Variants in PLAT observed in about 807,000 individuals in gnomAD.
PLAT encodes plasminogen activator, tissue type, also known as tissue-type plasminogen activator.
Under a neutral mutation model 74.9 loss-of-function variants are expected in PLAT, and 48 were observed. That is an observed-to-expected ratio of 0.64 (90% CI 0.51 to 0.82). The LOEUF (loss-of-function observed/expected upper bound fraction) is 0.82, where lower values mean the gene tolerates loss of function less well. PLAT is among the 40% of genes least tolerant of loss of function. The pLI, the probability that PLAT is intolerant of heterozygous loss-of-function variation, is 0.00. For missense variants in PLAT, 673 were observed against 736.2 expected (o/e 0.91, Z 0.99); for synonymous variants, 307 against 294.4 (o/e 1.04, Z -0.44).
At chr8:42,185,630 G>T (rs1241715878) in intron 6 of PLAT, 1 of 153,126 alleles carries the variant, frequency 6.5e-6, no homozygotes, top group African/African-American at 2.4e-5. Context: ...TTTTGTTCCT[G>T]TGTTTACTTG....
rs149928794 is a variant in PLAT at position 42,197,511 on chromosome 8, G to A, written c.-26-4300C>T. Among the ~76,000 whole-genome samples, 131 of 152,336 alleles carry A rather than the reference G, an allele frequency of 8.6e-4. 2 individuals carry two copies. Among genetic ancestry groups the A allele is most frequent in the African/African-American group, 3.0e-3 (123 of 41,570 alleles). The stretch of plus-strand genomic sequence containing the variant: ...TTTCCCAGAGCCAAGGATGCATGCC[G>A]TTTTGGCTGAGAAATTGATGATCAT... On this transcript the variant is annotated intron_variant, in intron 1 of 13. Transcript: ENST00000220809.
At chr8:42,205,060 C>A (rs1806280409) in intron 1 of PLAT, among the ~76,000 whole-genome samples, 1 of 152,148 alleles carries the variant, frequency 6.6e-6, no homozygotes, top group African/African-American at 2.4e-5. Flanking sequence ...ACAATTTACC[C>A]ACAAGGAAAC....
chr8:42,188,644 G>A (rs533608679), intron 4 of PLAT, among the ~76,000 whole-genome samples: 2 of 152,202 alleles, frequency 1.3e-5, no homozygotes, highest in Admixed American at 1.3e-4. Context: ...GTTTTGTTTT[G>A]TTTTAGAGGT....
intron 10 of PLAT, 43 bp from the exon 11 acceptor site, chr8:42,180,421 T>G (rs1392170722): frequency 1.7e-5 from 27 of 1,613,908 alleles, no homozygotes; most frequent in Non-Finnish European, 2.1e-5. Context: ...TGCTGTGGGA[T>G]TTCCCCTAAA....
intron 1 of PLAT, among the ~76,000 whole-genome samples, chr8:42,204,402 A>G (rs1292369071): frequency 1.3e-5 from 2 of 152,210 alleles, no homozygotes; most frequent in African/African-American, 4.8e-5. Flanking sequence ...AGAGAAAGTA[A>G]AAAATTTATT....
chr8:42,207,314 A>G (rs1429832132), intron 1 of PLAT, among the ~76,000 whole-genome samples, 180 bp downstream of exon 1: 1 of 152,138 alleles, frequency 6.6e-6, no homozygotes, highest in Non-Finnish European at 1.5e-5. Flanking sequence ...GCCTATCCCA[A>G]TCACATGCAA....
chr8:42,176,445 T>A (rs1021224523), intron 13 of PLAT, among the ~76,000 whole-genome samples: 20 of 152,164 alleles, frequency 1.3e-4, no homozygotes, highest in Non-Finnish European at 1.9e-4. Context: ...TGAGTGTGGG[T>A]GTTAGTGGCT....
chr8:42,186,067 A>G (rs755918785), intron 6 of PLAT: 3 of 151,904 alleles, frequency 2.0e-5, no homozygotes, highest in Admixed American at 6.6e-5. Flanking sequence ...CAGGACCCCA[A>G]CGTCATGAGC....
In PLAT at chr8:42,178,888, C is replaced by T. The variant is rs1454760724; in HGVS notation, c.1530+9G>A. The T allele has an allele frequency of 6.2e-7, 1 of 1,612,324 alleles. No homozygotes were observed. Among genetic ancestry groups the T allele is most frequent in the Non-Finnish European group, 8.5e-7 (1 of 1,179,648 alleles). On this transcript the variant is annotated intron_variant, in intron 13 of 13. Transcript: ENST00000220809. ...TTGTGCCCAGCATGGGCGCGCCACT[C>T]CTGGTTACCTGGCAGGCGTCGTGCA...
chr8:42,200,586 A>G (rs1806089857), intron 1 of PLAT, among the ~76,000 whole-genome samples: 1 of 148,292 alleles, frequency 6.7e-6, no homozygotes, highest in Non-Finnish European at 1.5e-5. Context: ...CTGAGGTGGG[A>G]GGATGGCCTG....
intron 3 of PLAT, among the ~76,000 whole-genome samples, chr8:42,189,564 G>A (rs1474921289): frequency 6.6e-6 from 1 of 151,266 alleles, no homozygotes; most frequent in African/African-American, 2.4e-5. Flanking sequence ...GTGCCATTGA[G>A]TATCTTCTCA....
intron 7 of PLAT, among the ~76,000 whole-genome samples, chr8:42,183,869 G>A (rs903022087): frequency 8.6e-5 from 13 of 151,898 alleles, no homozygotes; most frequent in African/African-American, 2.9e-4. Context: ...CATATAGCTG[G>A]TGCGTGTTTA....
In PLAT at chr8:42,180,387, G is replaced by C. The variant is rs779703103; in HGVS notation, c.1086-9C>G. On this transcript the variant is annotated splice_polypyrimidine_tract_variant and intron_variant, in intron 10 of 13. Transcript: ENST00000220809. Reference sequence around the variant, plus strand: ...GGTGGTGGGGCGGAAACCTGGTGGAGAAACAGCCTTAGAATGCTTTTTTTG... The same window carrying C: ...GGTGGTGGGGCGGAAACCTGGTGGACAAACAGCCTTAGAATGCTTTTTTTG... 6.2e-7 allele frequency: 1 copy of C among 1,614,142 alleles called. No individual in the cohort carries two copies. The highest frequency in any genetic ancestry group is 2.2e-5 in the East Asian group (1 of 44,886).
chr8:42,187,724 A>G (rs762894917), intron 5 of PLAT, 152 bp from the exon 6 acceptor site: 25 of 816,020 alleles, frequency 3.1e-5, no homozygotes, highest in Non-Finnish European at 4.2e-5. Flanking sequence ...GCCTGGATTC[A>G]GGGTCACACC....
At chr8:42,188,836 A>G (rs1016323170) in intron 4 of PLAT, 98 bp downstream of exon 4, 1 of 996,038 alleles carries the variant, frequency 1.0e-6, no homozygotes, top group South Asian at 1.4e-5. Flanking sequence ...GTTTGCCCAG[A>G]TTGGTCTTGA....
At chr8:42,188,853 G>A (rs1326268887) in intron 4 of PLAT, 81 bp downstream of exon 4, 20 of 1,258,250 alleles carry the variant, frequency 1.6e-5, no homozygotes, top group East Asian at 1.2e-4. Context: ...TTGAACTCCC[G>A]GGCTCCAGCG....
At chr8:42,176,751 T>C (rs1306980868) in intron 13 of PLAT, among the ~76,000 whole-genome samples, 1 of 152,208 alleles carries the variant, frequency 6.6e-6, no homozygotes, top group Non-Finnish European at 1.5e-5. Flanking sequence ...ATTTATTCCC[T>C]GAATTAACCC....
intron 12 of PLAT, 48 bp from the exon 13 acceptor site, chr8:42,179,111 A>T: frequency 6.0e-6 from 9 of 1,494,446 alleles, no homozygotes; most frequent in Non-Finnish European, 8.2e-6. Context: ...TTATTTATAA[A>T]CGTTTTTGAA....
chr8:42,203,808 A>G (rs1585440929), intron 1 of PLAT, among the ~76,000 whole-genome samples: 1 of 151,916 alleles, frequency 6.6e-6, no homozygotes, highest in Admixed American at 6.5e-5. Flanking sequence ...CTACAAAAAA[A>G]TTTTATAATT....
Sources: gnomAD v4.1 joint callset for allele counts (sites outside exome capture counted in the v4.1 genomes callset) on GRCh38, gnomAD v4.1.1 for gene constraint, MANE v1.5 for transcripts, NCBI Gene and HGNC (gene_info 2026-07-23, HGNC 2026-07-21) for gene names.